The following SYNPR variants were observed in gnomAD, a reference collection of about 807,000 sequenced individuals.
SYNPR encodes synaptoporin.
Under a neutral mutation model 32.9 loss-of-function variants are expected in SYNPR, and 23 were observed. The observed-to-expected ratio is 0.70, with a 90% confidence interval of 0.50 to 0.99. The LOEUF (loss-of-function observed/expected upper bound fraction) is 0.99. Ranked by LOEUF, SYNPR falls within the 50% of genes least tolerant of loss-of-function variation. The pLI is 0.00. For synonymous variants in SYNPR, 146 were observed against 135.9 expected (o/e 1.07, Z -0.52); for missense variants, 318 against 349.3 (o/e 0.91, Z 0.71).
chr3:63,394,266 A>G (rs972137168), intron 2 of SYNPR, among the ~76,000 whole-genome samples: 1 of 152,182 alleles, frequency 6.6e-6, no homozygotes, highest in African/African-American at 2.4e-5. Context: ...CCTTGACTAT[A>G]ATACATTTTT....
intron 4 of SYNPR, among the ~76,000 whole-genome samples, chr3:63,594,142 T>C (rs912445056): frequency 6.6e-6 from 1 of 151,810 alleles, no homozygotes; most frequent in Non-Finnish European, 1.5e-5. Context: ...GAAGATGAAA[T>C]GAGGTGGAAC....
At chr3:63,594,864 C>T (rs11709292) in intron 4 of SYNPR, among the ~76,000 whole-genome samples, 40,727 of 151,942 alleles carry the variant, frequency 0.27, 5,828 homozygotes, top group South Asian at 0.44. Context: ...AAATTTATTC[C>T]GGCTATGACA....
At position 63,473,982 on chromosome 3, in the gene SYNPR, C is replaced by T. The variant is rs540300759; in HGVS notation, c.85-6850C>T. On this transcript the variant is annotated intron_variant, in intron 2 of 5. Coordinates refer to ENST00000478300, the MANE Select transcript of SYNPR (RefSeq NM_001130003.2). Reference sequence around the variant, plus strand: ...TGTTTCCCAAAAGGAGATTCTGAGACGAGAATTTTGGTTCAATAAGTTTAT... The same window carrying T: ...TGTTTCCCAAAAGGAGATTCTGAGATGAGAATTTTGGTTCAATAAGTTTAT... 1.4e-4 allele frequency among the ~76,000 whole-genome samples: 22 copies of T among 152,180 alleles called. 1 individual carries two copies. The highest frequency in any genetic ancestry group is 1.0e-3 in the South Asian group (5 of 4,820).
intron 2 of SYNPR, among the ~76,000 whole-genome samples, chr3:63,297,233 C>T (rs189680974): frequency 1.1e-4 from 17 of 152,280 alleles, no homozygotes; most frequent in Admixed American, 1.1e-3. Context: ...ACACATCACA[C>T]AACATTGGTG....
intron 2 of SYNPR, among the ~76,000 whole-genome samples, chr3:63,386,037 T>A (rs2088039323): frequency 6.6e-6 from 1 of 152,218 alleles, no homozygotes; most frequent in Non-Finnish European, 1.5e-5. Context: ...TTATTTTATC[T>A]CCTGCAACAC....
chr3:63,462,276 T>G (rs1207271216), intron 2 of SYNPR, among the ~76,000 whole-genome samples: 28 of 152,158 alleles, frequency 1.8e-4, no homozygotes, highest in Non-Finnish European at 1.5e-5. Context: ...CCATTGTACC[T>G]CCTTGTACCT....
At chr3:63,491,941 G>A (rs541380001) in intron 3 of SYNPR, among the ~76,000 whole-genome samples, 6 of 152,110 alleles carry the variant, frequency 3.9e-5, no homozygotes, top group African/African-American at 1.4e-4. Context: ...TTTCAAAAAT[G>A]TATTGACTCC....
At chr3:63,308,341 ATTTTATT>A (rs1302837556) in intron 2 of SYNPR, among the ~76,000 whole-genome samples, 1 of 151,930 alleles carries the variant, frequency 6.6e-6, no homozygotes, top group Non-Finnish European at 1.5e-5. Flanking sequence ...ACTTAGACAT[ATTTTATT>A]TTTTAACAAC....
intron 2 of SYNPR, among the ~76,000 whole-genome samples, chr3:63,437,747 T>C (rs1341635498): frequency 6.6e-6 from 1 of 152,100 alleles, no homozygotes; most frequent in African/African-American, 2.4e-5. Flanking sequence ...CCTGTGGCCT[T>C]CGCTAGAGGA....
In SYNPR at chr3:63,271,897, C is replaced by G. The variant is rs1433389754; in HGVS notation, n.287+4448C>G. 4.6e-5 allele frequency among the ~76,000 whole-genome samples: 7 copies of G among 151,926 alleles called. No individual in the cohort carries two copies. The East Asian group carries it at 1.4e-3, about 29-fold the overall frequency. On this transcript the variant is annotated intron_variant and non_coding_transcript_variant, in intron 3 of 4. Transcript: ENST00000478456. ...TCCCCCAAAAGAATGTTTTGAATGA[C>G]CAAATATTCTTGCTAACCTCCAAGG...
chr3:63,576,186 G>A lies in SYNPR; in HGVS notation c.408+19445G>A, dbSNP rs939515228. ...CAGCAGCGTCCATCATCCCTGTATA[G>A]CCTTTGAGATTTCACAACTTTGTAT... On this transcript the variant is annotated intron_variant, in intron 4 of 5. Transcript: ENST00000478300. Among the ~76,000 whole-genome samples the A allele has an allele frequency of 2.0e-5, 3 of 152,102 alleles. No homozygotes were observed. In the East Asian group the frequency reaches 5.8e-4, roughly 29 times the overall value.
intron 4 of SYNPR, among the ~76,000 whole-genome samples, chr3:63,584,758 A>C (rs192479814): frequency 1.1e-3 from 167 of 152,212 alleles, no homozygotes; most frequent in African/African-American, 3.9e-3. Context: ...CTTAAATGCA[A>C]ATGAGACAGA....
At chr3:63,570,112 G>A (rs544302415) in intron 4 of SYNPR, among the ~76,000 whole-genome samples, 2 of 152,208 alleles carry the variant, frequency 1.3e-5, no homozygotes, top group East Asian at 1.9e-4. Flanking sequence ...AAACTACATG[G>A]GATTTGTGTT....
intron 2 of SYNPR, among the ~76,000 whole-genome samples, chr3:63,407,736 G>A (rs1465758004): frequency 6.6e-6 from 1 of 152,080 alleles, no homozygotes; most frequent in Non-Finnish European, 1.5e-5. Context: ...TTGTTGGAGA[G>A]CAAGACAAAT....
At chr3:63,581,071 C>T (rs1001631900) in intron 4 of SYNPR, among the ~76,000 whole-genome samples, 5 of 152,146 alleles carry the variant, frequency 3.3e-5, no homozygotes. Flanking sequence ...CTGTACTCTA[C>T]ACTCTACTGC....
At chr3:63,491,374 G>A (rs1333594054) in intron 3 of SYNPR, among the ~76,000 whole-genome samples, 1 of 152,022 alleles carries the variant, frequency 6.6e-6, no homozygotes, top group Non-Finnish European at 1.5e-5. Context: ...ATCTGAAGAC[G>A]AGCAAGGGAG....
chr3:63,543,711 A>G (rs1466432364), intron 3 of SYNPR, among the ~76,000 whole-genome samples: 1 of 151,990 alleles, frequency 6.6e-6, no homozygotes, highest in South Asian at 2.1e-4. Context: ...AAAGTGTCCA[A>G]ATTGGGGTAA....
intron 2 of SYNPR, among the ~76,000 whole-genome samples, chr3:63,459,599 C>T (rs937643547): frequency 6.6e-6 from 1 of 152,046 alleles, no homozygotes; most frequent in Admixed American, 6.6e-5. Flanking sequence ...AGGGTATGGG[C>T]AAAATAGATA....
At chr3:63,289,577 C>G (rs1560180577) in intron 2 of SYNPR, 1 of 152,202 alleles carries the variant, frequency 6.6e-6, no homozygotes. Context: ...TTCACACACC[C>G]CTCCCCTAGG....
Sources: gnomAD v4.1 joint callset for allele counts (sites outside exome capture counted in the v4.1 genomes callset) on GRCh38, gnomAD v4.1.1 for gene constraint, MANE v1.5 for transcripts, NCBI Gene and HGNC (gene_info 2026-07-23, HGNC 2026-07-21) for gene names.